The following MECOM variants were observed in gnomAD, a reference collection of about 807,000 sequenced individuals.
The protein encoded by MECOM is MDS1 and EVI1 complex locus.
Under a neutral mutation model 116.3 loss-of-function variants are expected in MECOM, and 13 were observed. The observed-to-expected ratio is 0.11, with a 90% CI of 0.07 to 0.18. The LOEUF is 0.18. Ranked by LOEUF, MECOM falls within the 10% of genes least tolerant of loss-of-function variation. The pLI, the probability that MECOM is intolerant of heterozygous loss-of-function variation, is 1.00. For synonymous variants in MECOM, 528 were observed against 535.2 expected (o/e 0.99, Z 0.19); for missense variants, 1,299 against 1,509.0 (o/e 0.86, Z 2.31).
In MECOM at chr3:169,378,452, GGAAAGCAAGCAAGCAAGCAAGCA is replaced by G. The variant is rs1731572524; in HGVS notation, c.375+2712_375+2734del. Among the ~76,000 whole-genome samples, 94 of 64,546 alleles carry G rather than the reference GGAAAGCAAGCAAGCAAGCAAGCA, an allele frequency of 1.5e-3. 2 individuals carry two copies. Among genetic ancestry groups the G allele is most frequent in the Middle Eastern group, 0.015 (2 of 134 alleles). The allele number at this position is 64,546 out of a possible 152,430, so 42.3% of individuals were successfully genotyped here. A position where few individuals can be genotyped will look rare whatever the true frequency, so the allele number is the denominator to read the frequency against. On this transcript the variant is annotated intron_variant, in intron 2 of 16. Transcript: ENST00000651503. ...AAGAAAGAAAGAAAGAAAGAAAGAA[GGAAAGCAAGCAAGCAAGCAAGCA>G]AGAAAGAGAGAGAGAAAGAAAGAAA...
At chr3:169,238,508 T>C (rs1362856559) in intron 2 of MECOM, among the ~76,000 whole-genome samples, 1 of 152,044 alleles carries the variant, frequency 6.6e-6, no homozygotes, top group East Asian at 1.9e-4. Context: ...TACAAGCCCT[T>C]CAGATTAATG....
chr3:169,344,873 C>CAGAGGA (rs1157668343), intron 2 of MECOM, among the ~76,000 whole-genome samples: 3 of 152,038 alleles, frequency 2.0e-5, no homozygotes, highest in South Asian at 2.1e-4. Flanking sequence ...AAAGGACAGC[C>CAGAGGA]AGAGGAAGAG....
At chr3:169,189,689 T>A (rs1747255459) in intron 2 of MECOM, among the ~76,000 whole-genome samples, 1 of 152,112 alleles carries the variant, frequency 6.6e-6, no homozygotes. Context: ...TTCGTAATCA[T>A]GCCTTAAGAG....
rs76003895 is a variant in MECOM at position 169,582,443 on chromosome 3, C to T, written c.37+80893G>A. ...AGATGGGGAAAAACGGGAAAATGAACGCAGAGTGGTTAAAGAAAATGGGGA... is the reference window on the plus strand; with the variant it reads ...AGATGGGGAAAAACGGGAAAATGAATGCAGAGTGGTTAAAGAAAATGGGGA... On this transcript the variant is annotated intron_variant, in intron 1 of 16. Transcript: ENST00000651503. Among the ~76,000 whole-genome samples the T allele has an allele frequency of 8.7e-3, 1,329 of 152,030 alleles. 20 individuals carry two copies. Among genetic ancestry groups the T allele is most frequent in the African/African-American group, 0.031 (1,272 of 41,464 alleles).
intron 2 of MECOM, among the ~76,000 whole-genome samples, chr3:169,218,036 C>A (rs1751638360): frequency 1.3e-5 from 2 of 151,616 alleles, no homozygotes; most frequent in Admixed American, 6.6e-5. Context: ...ATGCTTAGGG[C>A]AGTAATCATT....
intron 1 of MECOM, among the ~76,000 whole-genome samples, chr3:169,415,154 A>C (rs1005193604): frequency 1.3e-5 from 2 of 152,192 alleles, no homozygotes; most frequent in African/African-American, 4.8e-5. Context: ...TTACACACAA[A>C]CAGAAGCCCA....
At chr3:169,440,681 A>AT (rs1476935414) in intron 1 of MECOM, among the ~76,000 whole-genome samples, 1 of 152,162 alleles carries the variant, frequency 6.6e-6, no homozygotes, top group African/African-American at 2.4e-5. Context: ...ACCTGTTATC[A>AT]TTGCTTATCT....
At chr3:169,086,872 A>G (rs1172468989) in intron 16 of MECOM, among the ~76,000 whole-genome samples, 2 of 152,228 alleles carry the variant, frequency 1.3e-5, no homozygotes, top group Admixed American at 1.3e-4. Flanking sequence ...AGATTCTAGA[A>G]AATGGCAAAA....
At chr3:169,356,642 C>A (rs1383026193) in intron 2 of MECOM, among the ~76,000 whole-genome samples, 1 of 151,906 alleles carries the variant, frequency 6.6e-6, no homozygotes, top group East Asian at 1.9e-4. Flanking sequence ...TACTTATTAT[C>A]TTTTCTTAGT....
intron 2 of MECOM, among the ~76,000 whole-genome samples, chr3:169,197,230 G>C (rs1209953670): frequency 6.6e-6 from 1 of 151,556 alleles, no homozygotes; most frequent in Admixed American, 6.6e-5. Context: ...CGTTACCTGG[G>C]TGACAAAATA....
intron 12 of MECOM, among the ~76,000 whole-genome samples, chr3:169,097,840 A>T (rs941333464): frequency 7.1e-6 from 1 of 140,656 alleles, no homozygotes; most frequent in African/African-American, 2.6e-5. Flanking sequence ...AAAAAAAAAA[A>T]GGTGGATTCC....
chr3:169,647,725 C>T lies in MECOM; in HGVS notation c.37+15611G>A, dbSNP rs138070862. On this transcript the variant is annotated intron_variant, in intron 1 of 16. Coordinates refer to ENST00000651503, the MANE Select transcript of MECOM (RefSeq NM_004991.4). ...TTCTGTGTGTGTTAAGTTTACACAG[C>T]TTTTTGCAGCTGATAAAAGCTTATA... 2.2e-3 allele frequency among the ~76,000 whole-genome samples: 336 copies of T among 152,246 alleles called. 1 individual carries two copies. The highest frequency in any genetic ancestry group is 7.8e-3 in the African/African-American group (323 of 41,544).
At chr3:169,188,018 C>T (rs1035813520) in intron 2 of MECOM, among the ~76,000 whole-genome samples, 6 of 152,020 alleles carry the variant, frequency 3.9e-5, no homozygotes, top group African/African-American at 7.2e-5. Flanking sequence ...ACCATTATAG[C>T]TATCTTATTT....
chr3:169,662,501 G>A (rs1443227217), intron 1 of MECOM, among the ~76,000 whole-genome samples: 1 of 152,100 alleles, frequency 6.6e-6, no homozygotes, highest in African/African-American at 2.4e-5. Flanking sequence ...CCACGTCCGA[G>A]CGCTCGCTGG....
intron 9 of MECOM, among the ~76,000 whole-genome samples, chr3:169,111,166 C>G (rs73167913): frequency 0.063 from 9,584 of 152,140 alleles, 445 homozygotes; most frequent in South Asian, 0.2. Flanking sequence ...ATTTTTCAAA[C>G]AGGAAAACTA....
chr3:169,143,401 A>T (rs1738719671), intron 3 of MECOM, among the ~76,000 whole-genome samples: 1 of 152,162 alleles, frequency 6.6e-6, no homozygotes, highest in African/African-American at 2.4e-5. Context: ...TATGATAGCA[A>T]AGAAAAACTG....
At chr3:169,131,915 T>A in intron 3 of MECOM, 1 of 1,009,336 alleles carries the variant, frequency 9.9e-7, no homozygotes, top group Non-Finnish European at 1.2e-6. Context: ...CCTGGAATTC[T>A]CCAGCAGTAG....
At chr3:169,144,994 C>G in intron 2 of MECOM, 1 of 1,562,550 alleles carries the variant, frequency 6.4e-7, no homozygotes, top group Non-Finnish European at 8.7e-7. Flanking sequence ...GTCATTAACT[C>G]ACCATATACT....
chr3:169,518,472 T>A (rs1412405028), intron 1 of MECOM, among the ~76,000 whole-genome samples: 1 of 152,162 alleles, frequency 6.6e-6, no homozygotes, highest in Non-Finnish European at 1.5e-5. Context: ...ACTGGACTCA[T>A]TGTTGAGTCT....
Sources: allele counts gnomAD v4.1 joint callset (sites outside exome capture counted in the v4.1 genomes callset), GRCh38; gene constraint gnomAD v4.1.1; transcripts MANE v1.5; gene names NCBI Gene and HGNC (gene_info 2026-07-23, HGNC 2026-07-21).